The following CYP20A1 variants were observed in gnomAD, a reference collection of about 807,000 sequenced individuals.
CYP20A1 encodes the protein cytochrome P450 20A1.
Under a neutral mutation model 61.4 loss-of-function variants are expected in CYP20A1, and 61 were observed. That is an observed-to-expected ratio of 0.99 (90% CI 0.81 to 1.23). The LOEUF (loss-of-function observed/expected upper bound fraction) is 1.23. Among genes scored for constraint, CYP20A1 ranks in the 50% most tolerant of loss-of-function variants. CYP20A1 has a pLI of 0.00. For missense variants in CYP20A1, 530 were observed against 542.4 expected, an observed-to-expected ratio of 0.98 and a Z score of 0.23; for synonymous variants, 193 against 188.2, an observed-to-expected ratio of 1.03 and a Z score of -0.21.
rs1240769031 is a variant in CYP20A1, at chr2:203,298,270, C to G, written c.*1362C>G. 1 of 174,114 alleles carries G rather than the reference C, an allele frequency of 5.7e-6. No homozygotes were observed. The highest frequency in any genetic ancestry group is 2.4e-5 in the African/African-American group (1 of 41,920). The allele number at this position is 174,114 out of a possible 1,614,324, so 10.8% of individuals were successfully genotyped here. On this transcript the variant is annotated 3_prime_UTR_variant, in exon 13 of 13. Transcript: ENST00000356079. ...GGGCATGGTGACACACACCTGTAGTCCCAGCTGTTCTGAAGGCTGAGGTGG... is the reference window on the plus strand; with the variant it reads ...GGGCATGGTGACACACACCTGTAGTGCCAGCTGTTCTGAAGGCTGAGGTGG...
intron 11 of CYP20A1, among the ~76,000 whole-genome samples, chr2:203,294,128 G>A (rs1415644987): frequency 6.6e-6 from 1 of 151,712 alleles, no homozygotes; most frequent in Non-Finnish European, 1.5e-5. Context: ...GGAACTATAG[G>A]TATACGCTAC....
At chr2:203,260,357 G>A (rs2067088171) in intron 4 of CYP20A1, among the ~76,000 whole-genome samples, 1 of 151,794 alleles carries the variant, frequency 6.6e-6, no homozygotes, top group Middle Eastern at 3.2e-3. Context: ...CAAGTAGCTG[G>A]AAGTATAGGC....
chr2:203,282,131 C>T (rs1432044763), intron 8 of CYP20A1, among the ~76,000 whole-genome samples: 1 of 148,716 alleles, frequency 6.7e-6, no homozygotes, highest in African/African-American at 2.5e-5. Flanking sequence ...TCCACCTCCT[C>T]GATTCAAGTG....
rs2069020268 is a variant in CYP20A1 at position 203,301,435 on chromosome 2, GT to G, written c.*4532del. On this transcript the variant is annotated 3_prime_UTR_variant, in exon 13 of 13. Transcript: ENST00000356079. Reference sequence around the variant, plus strand: ...TGCCCAGCTGTTTTTTTGTTTGCTTGTTTTTGGTTTTGTTTTTTTGAGACAG... The same window carrying G: ...TGCCCAGCTGTTTTTTTGTTTGCTTGTTTTGGTTTTGTTTTTTTGAGACAG... Among the ~76,000 whole-genome samples the G allele has an allele frequency of 6.6e-6, 1 of 151,568 alleles. No homozygotes were observed. The highest frequency in any genetic ancestry group is 6.6e-5 in the Admixed American group (1 of 15,170).
intron 11 of CYP20A1, among the ~76,000 whole-genome samples, chr2:203,296,262 TC>T (rs2068792102): frequency 6.6e-6 from 1 of 152,170 alleles, no homozygotes; most frequent in Non-Finnish European, 1.5e-5. Context: ...AGACCCTGTC[TC>T]AAAAAATGGA....
At chr2:203,270,443 A>G (rs1028215383) in intron 5 of CYP20A1, among the ~76,000 whole-genome samples, 1 of 152,044 alleles carries the variant, frequency 6.6e-6, no homozygotes, top group Non-Finnish European at 1.5e-5. Flanking sequence ...CCTCCCAAAT[A>G]GCTGGGATTT....
At chr2:203,278,389 A>G (rs1209840190) in intron 6 of CYP20A1, among the ~76,000 whole-genome samples, 184 bp from the exon 7 acceptor site, 1 of 152,168 alleles carries the variant, frequency 6.6e-6, no homozygotes, top group East Asian at 1.9e-4. Context: ...ACTTTTTTGT[A>G]TGTATGTTAA....
rs774764038 is a variant in CYP20A1, at chr2:203,303,422, A to G, written c.*6514A>G. Among the ~76,000 whole-genome samples the G allele has an allele frequency of 1.3e-5, 2 of 152,086 alleles. No individual in the cohort carries two copies. The highest frequency in any genetic ancestry group is 2.4e-5 in the African/African-American group (1 of 41,428). ...TGGTGTGCTATTCATAATTATTGCA[A>G]AAATAGGCCGGGCCTGTAATTCCAG... On this transcript the variant is annotated 3_prime_UTR_variant, in exon 13 of 13. Transcript: ENST00000356079.
chr2:203,250,482 G>C (rs973062853), intron 3 of CYP20A1, among the ~76,000 whole-genome samples: 4 of 151,834 alleles, frequency 2.6e-5, no homozygotes, highest in African/African-American at 9.7e-5. Context: ...TCTGGTTCAA[G>C]ATTGTGCTTT....
chr2:203,241,798 G>C (rs1489240985), intron 1 of CYP20A1, among the ~76,000 whole-genome samples: 1 of 152,090 alleles, frequency 6.6e-6, no homozygotes, highest in African/African-American at 2.4e-5. Flanking sequence ...TCAAGTTGCT[G>C]GGACTACATG....
chr2:203,250,948 C>T (rs1414287949), intron 3 of CYP20A1, among the ~76,000 whole-genome samples: 1 of 150,572 alleles, frequency 6.6e-6, no homozygotes. Context: ...CCTGTAGTCC[C>T]AGCTACTCGG....
intron 3 of CYP20A1, among the ~76,000 whole-genome samples, chr2:203,249,266 G>T (rs2066572624): frequency 6.6e-6 from 1 of 152,158 alleles, no homozygotes; most frequent in Admixed American, 6.6e-5. Context: ...TGTAGTCCCA[G>T]CTACTCAGGA....
At chr2:203,240,090 TATCTC>T (rs879498764) in intron 1 of CYP20A1, among the ~76,000 whole-genome samples, 3 of 152,112 alleles carry the variant, frequency 2.0e-5, no homozygotes, top group Admixed American at 1.3e-4. Context: ...GCCAGACTCT[TATCTC>T]AAAACAAACA....
intron 4 of CYP20A1, among the ~76,000 whole-genome samples, chr2:203,257,150 A>C (rs1168954549): frequency 6.9e-6 from 1 of 144,442 alleles, no homozygotes; most frequent in Non-Finnish European, 1.5e-5. Flanking sequence ...CTGTCTCTAC[A>C]AAAAAAAAAA....
At chr2:203,243,838 G>A (rs2066349759) in intron 1 of CYP20A1, among the ~76,000 whole-genome samples, 1 of 151,426 alleles carries the variant, frequency 6.6e-6, no homozygotes, top group South Asian at 2.1e-4. Flanking sequence ...TATAGTGCTG[G>A]CCACTGCACC....
At chr2:203,253,250 A>C (rs796615275) in intron 4 of CYP20A1, among the ~76,000 whole-genome samples, 3 of 152,124 alleles carry the variant, frequency 2.0e-5, no homozygotes, top group African/African-American at 7.2e-5. Flanking sequence ...AAATTGTCCT[A>C]TAGCCCCTCT....
intron 6 of CYP20A1, among the ~76,000 whole-genome samples, chr2:203,277,233 A>C (rs2067858451): frequency 1.3e-5 from 2 of 152,042 alleles, no homozygotes; most frequent in Non-Finnish European, 2.9e-5. Context: ...CTATAGTCCC[A>C]GCTACTCAGG....
intron 1 of CYP20A1, 146 bp from the exon 2 acceptor site, chr2:203,245,699 CT>C (rs1019277148): frequency 5.3e-5 from 27 of 510,046 alleles, no homozygotes; most frequent in African/African-American, 3.6e-4. Flanking sequence ...CAAAGAACCC[CT>C]TTTTTTGTAT....
rs1288773665 is a variant in CYP20A1 at position 203,298,564 on chromosome 2, G to A, written c.*1656G>A. On this transcript the variant is annotated 3_prime_UTR_variant, in exon 13 of 13. Transcript: ENST00000356079. The stretch of plus-strand genomic sequence containing the variant: ...AAAAAAAAAAAAATTAGCCAGATGT[G>A]GTGGTGCACATTTGTAATCCCAGCT... Among the ~76,000 whole-genome samples, 2 of 149,280 alleles carry A rather than the reference G, an allele frequency of 1.3e-5. No homozygotes were observed. The highest frequency in any genetic ancestry group is 4.0e-4 in the East Asian group (2 of 5,054).
Sources: allele counts gnomAD v4.1 joint callset (sites outside exome capture counted in the v4.1 genomes callset), GRCh38; gene constraint gnomAD v4.1.1; transcripts MANE v1.5; gene names NCBI Gene and HGNC (gene_info 2026-07-23, HGNC 2026-07-21).